The following ANKRD42 variants were observed in gnomAD, a reference collection of about 807,000 sequenced individuals.
The protein encoded by ANKRD42 is ankyrin repeat domain 42, also known as ankyrin repeat domain-containing protein 42.
A neutral mutation model predicts 51.5 loss-of-function variants in ANKRD42; 43 were observed. The observed-to-expected ratio is 0.83, with a 90% CI of 0.65 to 1.08. ANKRD42 has a LOEUF of 1.08. Ranked by LOEUF, ANKRD42 falls within the 50% of genes least tolerant of loss-of-function variation. The pLI is 0.00. For missense variants in ANKRD42, 608 were observed against 629.3 expected (o/e 0.97, Z 0.36); for synonymous variants, 203 against 213.0 (o/e 0.95, Z 0.41).
intron 8 of ANKRD42, among the ~76,000 whole-genome samples, chr11:83,238,817 C>T (rs747256125): frequency 1.1e-3 from 164 of 149,186 alleles, no homozygotes; most frequent in Non-Finnish European, 1.8e-3. Context: ...GCAACAAGAG[C>T]GAAACTCTGT....
chr11:83,230,093 C>T (rs1415379863), intron 7 of ANKRD42, among the ~76,000 whole-genome samples: 1 of 152,242 alleles, frequency 6.6e-6, no homozygotes, highest in South Asian at 2.1e-4. Flanking sequence ...ACTCTGTTGC[C>T]CAGGCTTGAA....
chr11:83,245,774 G>A (rs1170400761), intron 10 of ANKRD42, 150 bp downstream of exon 10: 10 of 889,850 alleles, frequency 1.1e-5, no homozygotes, highest in Middle Eastern at 3.6e-4. Context: ...TGACAAAGGA[G>A]TTAAAATTTT....
intron 5 of ANKRD42, among the ~76,000 whole-genome samples, chr11:83,224,008 T>C (rs1452426610): frequency 1.3e-5 from 2 of 151,902 alleles, no homozygotes; most frequent in Non-Finnish European, 2.9e-5. Flanking sequence ...TCCAATATAC[T>C]TTCTTTCAGG....
Position 83,194,548 on chromosome 11 carries a change from C to T in ANKRD42, c.-123C>T, listed in dbSNP as rs2135466148. On this transcript the variant is annotated 5_prime_UTR_variant, in exon 1 of 11. Coordinates refer to ENST00000533342, the MANE Select transcript of ANKRD42 (RefSeq NM_001300975.2). ...AGCAAGAGAGGACCTTGGGCCCCGTCCTAGTGACGACGGAGAAGAGGGCCG... is the reference window on the plus strand; with the variant it reads ...AGCAAGAGAGGACCTTGGGCCCCGTTCTAGTGACGACGGAGAAGAGGGCCG... 1.1e-6 allele frequency: 1 copy of T among 915,706 alleles called. No homozygotes were observed. Among genetic ancestry groups the T allele is most frequent in the South Asian group, 1.4e-5 (1 of 74,054 alleles). The allele number at this position is 915,706 out of a possible 1,614,324, so 56.7% of individuals were successfully genotyped here. A position where few individuals can be genotyped will look rare whatever the true frequency, so the allele number is the denominator to read the frequency against.
downstream of ANKRD42, chr11:83,261,240 T>C (rs1591021892): frequency 2.0e-5 from 3 of 152,316 alleles, no homozygotes; most frequent in Admixed American, 2.0e-4. Flanking sequence ...CTAATTTTTG[T>C]ATTTTTAGCA....
At chr11:83,235,466 C>G (rs960534495) in intron 7 of ANKRD42, among the ~76,000 whole-genome samples, 3 of 152,182 alleles carry the variant, frequency 2.0e-5, no homozygotes, top group African/African-American at 7.2e-5. Flanking sequence ...AGTCAGGTGG[C>G]TTGACTGAGG....
In ANKRD42 at chr11:83,238,964, G is replaced by A. The variant is rs141499620; in HGVS notation, c.1020-1795G>A. On this transcript the variant is annotated intron_variant, in intron 8 of 10. Transcript: ENST00000533342. The stretch of plus-strand genomic sequence containing the variant: ...GCAGAGGTTGTGGTGAGCCTAGATC[G>A]CACCACAGCACTCCAACCTAGGCGA... Among the ~76,000 whole-genome samples, 143 of 151,732 alleles carry A rather than the reference G, an allele frequency of 9.4e-4. 1 individual carries two copies. The highest frequency in any genetic ancestry group is 1.7e-3 in the Non-Finnish European group (115 of 67,970).
At chr11:83,255,510 A>G (rs1239831543) in intron 11 of ANKRD42, among the ~76,000 whole-genome samples, 1 of 152,214 alleles carries the variant, frequency 6.6e-6, no homozygotes, top group African/African-American at 2.4e-5. Context: ...GTTGTTAAAT[A>G]TTAGTGTCTG....
intron 7 of ANKRD42, among the ~76,000 whole-genome samples, chr11:83,233,492 A>G (rs929939970): frequency 2.0e-5 from 3 of 152,044 alleles, no homozygotes; most frequent in African/African-American, 7.2e-5. Flanking sequence ...TAGTCTGGAT[A>G]AAGGTTTGTC....
intron 11 of ANKRD42, among the ~76,000 whole-genome samples, chr11:83,255,102 G>A (rs1259669404): frequency 1.3e-5 from 2 of 152,154 alleles, no homozygotes; most frequent in African/African-American, 4.8e-5. Flanking sequence ...TCCAGCCATG[G>A]GCTCTCCCCA....
chr11:83,205,539 A>G (rs912962157), intron 2 of ANKRD42, among the ~76,000 whole-genome samples: 2 of 152,244 alleles, frequency 1.3e-5, no homozygotes, highest in African/African-American at 4.8e-5. Flanking sequence ...ATTTAGATTA[A>G]TTTTTAAAAA....
intron 4 of ANKRD42, among the ~76,000 whole-genome samples, chr11:83,210,859 TAATA>T (rs1862288360): frequency 2.0e-5 from 3 of 152,248 alleles, no homozygotes; most frequent in African/African-American, 4.8e-5. Context: ...GTAGTGGTTG[TAATA>T]AATAACGTAG....
chr11:83,200,084 T>C (rs1403553559), intron 2 of ANKRD42, among the ~76,000 whole-genome samples: 1 of 152,118 alleles, frequency 6.6e-6, no homozygotes, highest in East Asian at 1.9e-4. Flanking sequence ...TGGGTTTTTT[T>C]GCTCTTTGCT....
At chr11:83,254,423 CTTTTTTCTTTTCTT>C (rs201319348) in intron 11 of ANKRD42, among the ~76,000 whole-genome samples, 3,486 of 132,494 alleles carry the variant, frequency 0.026, 86 homozygotes, top group South Asian at 0.078. Flanking sequence ...GAGTGTTTTT[CTTTTTTCTTTTCTT>C]TTTTTTTTTT....
intron 5 of ANKRD42, among the ~76,000 whole-genome samples, chr11:83,216,491 A>AT (rs1190135896): frequency 1.3e-5 from 2 of 151,218 alleles, no homozygotes; most frequent in Non-Finnish European, 3.0e-5. Flanking sequence ...CGCCCGGCTA[A>AT]TTTTTTGTAT....
chr11:83,217,203 T>C (rs1006348469), intron 5 of ANKRD42, among the ~76,000 whole-genome samples: 4 of 152,214 alleles, frequency 2.6e-5, no homozygotes, highest in African/African-American at 7.2e-5. Context: ...AGCCCAGGTA[T>C]CTATTGGTTA....
intron 5 of ANKRD42, among the ~76,000 whole-genome samples, chr11:83,215,993 C>G (rs1862515168): frequency 6.6e-6 from 1 of 152,188 alleles, no homozygotes; most frequent in Admixed American, 6.5e-5. Flanking sequence ...TGGGGTTTCA[C>G]CATGTTGGCC....
chr11:83,195,504 T>A (rs143461745), intron 1 of ANKRD42, among the ~76,000 whole-genome samples: 1 of 152,186 alleles, frequency 6.6e-6, no homozygotes, highest in African/African-American at 2.4e-5. Context: ...TGCAAACATA[T>A]ATATAGATAT....
At chr11:83,220,733 T>C (rs1862694003) in intron 5 of ANKRD42, among the ~76,000 whole-genome samples, 1 of 152,162 alleles carries the variant, frequency 6.6e-6, no homozygotes, top group Non-Finnish European at 1.5e-5. Flanking sequence ...TGGTTTTTCT[T>C]GAGAAGTTTT....
Sources: allele counts gnomAD v4.1 joint callset (sites outside exome capture counted in the v4.1 genomes callset), GRCh38; gene constraint gnomAD v4.1.1; transcripts MANE v1.5; gene names NCBI Gene and HGNC (gene_info 2026-07-23, HGNC 2026-07-21).